Variants in TMEM135 observed in about 807,000 individuals in gnomAD.
TMEM135 encodes the protein peroxisomal membrane protein 52.
TMEM135 carries 30 observed loss-of-function variants against 60.3 expected under a neutral mutation model. The ratio of observed to expected loss-of-function variants is 0.50; its 90% CI spans 0.37 to 0.68. The LOEUF is 0.68. Ranked by LOEUF, TMEM135 falls within the 30% of genes least tolerant of loss-of-function variation. The pLI is 0.00. For missense variants in TMEM135, 468 were observed against 548.8 expected, an observed-to-expected ratio of 0.85 and a Z score of 1.47; for synonymous variants, 190 against 186.7, an observed-to-expected ratio of 1.02 and a Z score of -0.14.
intron 14 of TMEM135, among the ~76,000 whole-genome samples, chr11:87,320,949 C>A (rs1183525498): frequency 6.6e-6 from 1 of 152,056 alleles, no homozygotes; most frequent in Non-Finnish European, 1.5e-5. Flanking sequence ...TGGTTGTAAT[C>A]TCTGCGGTTT....
At chr11:87,087,036 A>G (rs551192030) in intron 3 of TMEM135, among the ~76,000 whole-genome samples, 2 of 152,262 alleles carry the variant, frequency 1.3e-5, no homozygotes, top group East Asian at 3.9e-4. Context: ...TTAGAGGCCT[A>G]TCTAAGGGTC....
intron 2 of TMEM135, 119 bp downstream of exon 2, chr11:87,067,940 G>A: frequency 1.6e-6 from 2 of 1,249,938 alleles, no homozygotes; most frequent in Non-Finnish European, 2.3e-6. Flanking sequence ...TTTTTAATCT[G>A]TGAAGTGACA....
chr11:87,274,223 A>G (rs1941926027), intron 6 of TMEM135, among the ~76,000 whole-genome samples: 1 of 152,158 alleles, frequency 6.6e-6, no homozygotes, highest in Non-Finnish European at 1.5e-5. Context: ...TGAAATAACT[A>G]AATAACTCTA....
At chr11:87,113,854 A>G (rs1045542032) in intron 4 of TMEM135, among the ~76,000 whole-genome samples, 1 of 152,108 alleles carries the variant, frequency 6.6e-6, no homozygotes, top group Non-Finnish European at 1.5e-5. Context: ...TATAGGGATC[A>G]TCACAATATG....
At chr11:87,135,167 T>G (rs1938054560) in intron 4 of TMEM135, among the ~76,000 whole-genome samples, 1 of 152,100 alleles carries the variant, frequency 6.6e-6, no homozygotes, top group East Asian at 1.9e-4. Context: ...TGTAAAAAAT[T>G]TTTTTCCATA....
intron 6 of TMEM135, among the ~76,000 whole-genome samples, chr11:87,247,605 C>T (rs1261232108): frequency 5.3e-5 from 8 of 152,308 alleles, no homozygotes; most frequent in African/African-American, 1.4e-4. Flanking sequence ...AGTTTGATCA[C>T]AGACTGCTGT....
intron 6 of TMEM135, among the ~76,000 whole-genome samples, chr11:87,262,535 T>C (rs1941672749): frequency 6.6e-6 from 1 of 152,198 alleles, no homozygotes; most frequent in Non-Finnish European, 1.5e-5. Flanking sequence ...TATTTTTTAT[T>C]TTTAAATTTA....
At chr11:87,254,825 A>C (rs915167667) in intron 6 of TMEM135, among the ~76,000 whole-genome samples, 18 of 151,976 alleles carry the variant, frequency 1.2e-4, no homozygotes, top group African/African-American at 4.4e-4. Flanking sequence ...AGAACTGGAG[A>C]TCTTAGGGAG....
chr11:87,194,207 A>G (rs1939880271), intron 5 of TMEM135, among the ~76,000 whole-genome samples: 1 of 152,204 alleles, frequency 6.6e-6, no homozygotes, highest in Non-Finnish European at 1.5e-5. Context: ...AAAATTGGTA[A>G]ATGTAGATCT....
chr11:87,217,617 C>T (rs72955824), intron 5 of TMEM135, among the ~76,000 whole-genome samples: 8,870 of 152,084 alleles, frequency 0.058, 356 homozygotes, highest in Non-Finnish European at 0.088. Flanking sequence ...GAAACCCCGT[C>T]TCTGCTAAAT....
chr11:87,137,909 T>C (rs938836612), intron 4 of TMEM135, among the ~76,000 whole-genome samples: 2 of 152,100 alleles, frequency 1.3e-5, no homozygotes, highest in Admixed American at 1.3e-4. Flanking sequence ...ACAAACCATC[T>C]GCTTATCATT....
At chr11:87,042,672 A>G (rs1949760017) in intron 1 of TMEM135, among the ~76,000 whole-genome samples, 1 of 152,222 alleles carries the variant, frequency 6.6e-6, no homozygotes. Flanking sequence ...TCTGGAGCCT[A>G]TAAAATGGGT....
chr11:87,147,508 A>ATCGTTAC (rs1555110225), intron 4 of TMEM135, among the ~76,000 whole-genome samples: 1 of 112,550 alleles, frequency 8.9e-6, no homozygotes, highest in East Asian at 4.4e-4. Flanking sequence ...GCTTACTGTT[A>ATCGTTAC]TTGTTATTTT....
chr11:87,100,106 T>G (rs1277716745), intron 4 of TMEM135, among the ~76,000 whole-genome samples: 1 of 152,180 alleles, frequency 6.6e-6, no homozygotes, highest in Admixed American at 6.6e-5. Flanking sequence ...GGGGTACATT[T>G]GTCTGTAAAT....
Position 87,136,071 on chromosome 11 carries a change from A to G in TMEM135, c.397-21270A>G, listed in dbSNP as rs376642771. Among the ~76,000 whole-genome samples, 6 of 152,100 alleles carry G rather than the reference A, an allele frequency of 3.9e-5. No homozygotes were observed. In the East Asian group the frequency reaches 5.8e-4, roughly 15 times the overall value. ...TATTTATTTTGTATATTGATCTTAT[A>G]TCCTGCAACTTTGCTAAAGTCAATT... On this transcript the variant is annotated intron_variant, in intron 4 of 14. Transcript: ENST00000305494.
intron 5 of TMEM135, among the ~76,000 whole-genome samples, chr11:87,186,141 A>C (rs752708515): frequency 6.6e-6 from 1 of 152,062 alleles, no homozygotes. Context: ...TCTTGACTTC[A>C]TGATCTGCCC....
In TMEM135 at chr11:87,138,081, T is replaced by G. The variant is rs1040266379; in HGVS notation, c.397-19260T>G. 8.3e-5 allele frequency among the ~76,000 whole-genome samples: 11 copies of G among 133,090 alleles called. 1 individual carries two copies. The highest frequency in any genetic ancestry group is 3.0e-4 in the African/African-American group (11 of 36,472). The allele number at this position is 133,090 out of a possible 152,430, so 87.3% of individuals were successfully genotyped here. A position where few individuals can be genotyped will look rare whatever the true frequency, so the allele number is the denominator to read the frequency against. On this transcript the variant is annotated intron_variant, in intron 4 of 14. Coordinates refer to ENST00000305494, the MANE Select transcript of TMEM135 (RefSeq NM_022918.4). ...ATTTATGATGTTTAAAAAGACCAAG[T>G]TGATTTCTTTTTTTTTTTTTTTCCT...
intron 1 of TMEM135, 75 bp from the exon 2 acceptor site, chr11:87,067,619 A>T: frequency 6.3e-7 from 1 of 1,579,990 alleles, no homozygotes; most frequent in South Asian, 1.1e-5. Flanking sequence ...GCTTTTATAC[A>T]GTAGCTTCCA....
At chr11:87,239,597 C>T (rs1941084457) in intron 6 of TMEM135, among the ~76,000 whole-genome samples, 1 of 151,648 alleles carries the variant, frequency 6.6e-6, no homozygotes, top group South Asian at 2.1e-4. Context: ...GATATTGTTC[C>T]CAGGACTCCA....
Sources: allele counts gnomAD v4.1 joint callset (sites outside exome capture counted in the v4.1 genomes callset), GRCh38; gene constraint gnomAD v4.1.1; transcripts MANE v1.5; gene names NCBI Gene and HGNC (gene_info 2026-07-23, HGNC 2026-07-21).